The following DLG5 variants were observed in gnomAD, a reference collection of about 807,000 sequenced individuals.
DLG5 encodes the protein discs large MAGUK scaffold protein 5, also known as disks large homolog 5.
DLG5 carries 48 observed loss-of-function variants against 189.8 expected under a neutral mutation model. The ratio of observed to expected loss-of-function variants is 0.25; its 90% CI spans 0.20 to 0.32. The LOEUF is 0.32. Among genes scored for constraint, DLG5 ranks in the 10% least tolerant of loss-of-function variants. The pLI, the probability that DLG5 is intolerant of heterozygous loss-of-function variation, is 1.00. For missense variants in DLG5, 2,160 were observed against 2,544.7 expected (o/e 0.85, Z 3.25); for synonymous variants, 1,016 against 1,054.1 (o/e 0.96, Z 0.70).
rs1254212179 is a variant in DLG5, at chr10:77,791,436, T to C, written c.*1004A>G. 4 of 152,386 alleles carry C rather than the reference T, an allele frequency of 2.6e-5. No homozygotes were observed. The highest frequency in any genetic ancestry group is 5.9e-5 in the Non-Finnish European group (4 of 68,020). 9.4% of individuals were successfully genotyped at this position (152,386 alleles called of 1,614,324 possible). ...TCAAGATTAAAAAGACCTCAGTTTT[T>C]CTTTTTAGACTGTTGATAGTGACAA... On this transcript the variant is annotated 3_prime_UTR_variant, in exon 32 of 32. Coordinates refer to ENST00000372391, the MANE Select transcript of DLG5 (RefSeq NM_004747.4).
chr10:77,822,242 G>T, intron 14 of DLG5, 141 bp from the exon 15 acceptor site: 1 of 876,342 alleles, frequency 1.1e-6, no homozygotes, highest in Non-Finnish European at 1.7e-6. Context: ...AGACAGAGAT[G>T]CACACACACA....
chr10:77,923,161 G>A (rs532736391), intron 1 of DLG5, among the ~76,000 whole-genome samples: 7 of 152,304 alleles, frequency 4.6e-5, no homozygotes, highest in South Asian at 2.1e-4. Flanking sequence ...ACCCCTTGAC[G>A]CTAAGGATCC....
chr10:77,843,746 AG>A (rs1448981771), intron 5 of DLG5, 40 bp from the exon 6 acceptor site: 2 of 1,610,482 alleles, frequency 1.2e-6, no homozygotes, highest in East Asian at 4.5e-5. Flanking sequence ...GGTCTGTGGG[AG>A]GTGGCGGAGG....
Position 77,794,927 on chromosome 10 carries a change from T to C in DLG5, c.5468A>G (p.His1823Arg). Reference sequence around the variant, plus strand: ...CATGTGGTGGAGCCGCTCAATAGCGTGCGGAGCAATGTCCAGGAGGCAGTG... The same window carrying C: ...CATGTGGTGGAGCCGCTCAATAGCGCGCGGAGCAATGTCCAGGAGGCAGTG... ...NRHCLLDIAPHAIERLHHMHI... is the reference protein window; with the variant it reads ...NRHCLLDIAPRAIERLHHMHI... The change falls in exon 30 of 32, where the codon CAC becomes CGC. Residue 1823 changes from histidine to arginine, a missense_variant. His to Arg is a conservative substitution (Grantham distance 29). Coordinates refer to ENST00000372391, the MANE Select transcript of DLG5 (RefSeq NM_004747.4). 2 of 1,613,900 alleles carry C rather than the reference T, an allele frequency of 1.2e-6. No individual in the cohort carries two copies. Among genetic ancestry groups the C allele is most frequent in the Non-Finnish European group, 1.7e-6 (2 of 1,179,990 alleles).
chr10:77,825,452 T>A (rs899437740), intron 13 of DLG5, among the ~76,000 whole-genome samples: 1 of 149,578 alleles, frequency 6.7e-6, no homozygotes, highest in South Asian at 2.1e-4. Context: ...GATATTATAC[T>A]CATGCAAGGT....
chr10:77,846,745 C>G (rs1484744965), intron 5 of DLG5: 2 of 456,062 alleles, frequency 4.4e-6, no homozygotes, highest in African/African-American at 4.0e-5. Flanking sequence ...ATCCCCTAAG[C>G]CAAGTGAGAA....
Position 77,817,868 on chromosome 10 carries a change from C to T in DLG5, c.3693G>A (p.Leu1231=). The change falls in exon 18 of 32, where the codon CTG becomes CTA. Residue 1231 remains leucine, a synonymous_variant. Transcript: ENST00000372391. ...LHPSVQHQGR[L]SLDLSHRTCS... The stretch of plus-strand genomic sequence containing the variant: ...AGGTCCTGTGGCTCAGGTCCAGGCT[C>T]AGGCGTCCCTGGTGCTGGACACTGC... 6.4e-7 allele frequency: 1 copy of T among 1,552,394 alleles called. No homozygotes were observed. Among genetic ancestry groups the T allele is most frequent in the Non-Finnish European group, 8.7e-7 (1 of 1,147,346 alleles).
intron 1 of DLG5, among the ~76,000 whole-genome samples, chr10:77,883,795 C>G (rs1845358338): frequency 7.1e-6 from 1 of 141,550 alleles, no homozygotes; most frequent in Non-Finnish European, 1.5e-5. Context: ...CTTCTGGGTT[C>G]AAGCAATTCT....
intron 1 of DLG5, among the ~76,000 whole-genome samples, chr10:77,908,458 G>C (rs1366177977): frequency 6.6e-6 from 1 of 152,120 alleles, no homozygotes; most frequent in Non-Finnish European, 1.5e-5. Flanking sequence ...CCTCACAAGA[G>C]AACCAGCCCA....
At chr10:77,825,561 CT>C (rs547889590) in intron 13 of DLG5, among the ~76,000 whole-genome samples, 130 of 145,232 alleles carry the variant, frequency 9.0e-4, no homozygotes, top group Non-Finnish European at 9.6e-4. Flanking sequence ...GTCAAGTTTT[CT>C]TTTTTTTTTT....
intron 7 of DLG5, among the ~76,000 whole-genome samples, chr10:77,841,601 A>G (rs967051028): frequency 6.6e-6 from 1 of 152,204 alleles, no homozygotes; most frequent in African/African-American, 2.4e-5. Context: ...GCAATTACGT[A>G]GCAATGGGTT....
At chr10:77,878,499 A>G (rs1480074647) in intron 1 of DLG5, among the ~76,000 whole-genome samples, 1 of 152,166 alleles carries the variant, frequency 6.6e-6, no homozygotes, top group Non-Finnish European at 1.5e-5. Flanking sequence ...ATGCTATGGA[A>G]GGGACCTGGA....
intron 1 of DLG5, among the ~76,000 whole-genome samples, chr10:77,904,489 T>A (rs1403838254): frequency 6.6e-6 from 1 of 152,162 alleles, no homozygotes. Flanking sequence ...TGTGTCCCTA[T>A]TCAAATCTCA....
In DLG5 at chr10:77,851,093, C is replaced by T. The variant is rs146864962; in HGVS notation, c.864+2261G>A. ...TGCCCTCAGGTGGGGGAAGTTACCA[C>T]GCACCCCAGGGCAGAGAAGGGGCTC... On this transcript the variant is annotated intron_variant, in intron 5 of 31. Coordinates refer to ENST00000372391, the MANE Select transcript of DLG5 (RefSeq NM_004747.4). Among the ~76,000 whole-genome samples the T allele has an allele frequency of 2.4e-3, 359 of 152,348 alleles. 2 individuals carry two copies. Among genetic ancestry groups the T allele is most frequent in the South Asian group, 0.023 (113 of 4,828 alleles).
chr10:77,918,315 A>G (rs1300519107), intron 1 of DLG5, among the ~76,000 whole-genome samples: 4 of 151,996 alleles, frequency 2.6e-5, no homozygotes, highest in Non-Finnish European at 5.9e-5. Flanking sequence ...TGGGAGGCTG[A>G]AGGAGGAGAA....
chr10:77,816,242 C>A (rs1842044169), intron 20 of DLG5: 1 of 628,860 alleles, frequency 1.6e-6, no homozygotes, highest in Non-Finnish European at 3.0e-6. Flanking sequence ...GTGACTTAGC[C>A]ACACGTAAAG....
rs767952847 is a variant in DLG5, at chr10:77,821,088, G to A, written c.3396C>T (p.Phe1132=). The A allele has an allele frequency of 1.9e-6, 3 of 1,609,616 alleles. No homozygotes were observed. The highest frequency in any genetic ancestry group is 1.7e-5 in the Admixed American group (1 of 59,856). ...KLAPVVIPAQ[F]LEEQKCVPAS... ...CCCTGGGGCTCAGCTATACCTCCAG[G>A]AACTGAGCAGGAATCACTACTGGAG... The change falls in exon 15 of 32, where the codon TTC becomes TTT. Residue 1132 remains phenylalanine (F), a synonymous_variant. Coordinates refer to ENST00000372391, the MANE Select transcript of DLG5 (RefSeq NM_004747.4).
At chr10:77,928,534 T>C (rs139223331), upstream of DLG5, 1 of 152,334 alleles carries the variant, frequency 6.6e-6, no homozygotes, top group Non-Finnish European at 1.5e-5. Flanking sequence ...TCCTGAGATA[T>C]AGTTCTTTCT....
chr10:77,836,020 G>C, intron 7 of DLG5, 98 bp from the exon 8 acceptor site: 1 of 1,291,228 alleles, frequency 7.7e-7, no homozygotes, highest in African/African-American at 1.5e-5. Context: ...AGGCTCTAGG[G>C]AGCTGGATGG....
Sources: gnomAD v4.1 joint callset for allele counts (sites outside exome capture counted in the v4.1 genomes callset) on GRCh38, gnomAD v4.1.1 for gene constraint, MANE v1.5 for transcripts, NCBI Gene and HGNC (gene_info 2026-07-23, HGNC 2026-07-21) for gene names.